CASZ1: variants seen among roughly 807,000 people sequenced by gnomAD.
CASZ1 encodes the protein zinc finger protein castor homolog 1.
CASZ1 carries 28 observed loss-of-function variants against 135.2 expected under a neutral mutation model. The ratio of observed to expected loss-of-function variants is 0.21; its 90% confidence interval spans 0.15 to 0.28. The LOEUF is 0.28. Among genes scored for constraint, CASZ1 ranks in the 10% least tolerant of loss-of-function variants. The pLI, the probability that CASZ1 is intolerant of heterozygous loss-of-function variation, is 1.00. For synonymous variants in CASZ1, 1,068 were observed against 1,073.4 expected (o/e 0.99, Z 0.10); for missense variants, 2,161 against 2,453.3 (o/e 0.88, Z 2.52).
Position 10,759,342 on chromosome 1 carries a change from C to T in CASZ1, c.-77+1359G>A, listed in dbSNP as rs535646951. ...CCAAGCCCAGAAGACTTCAGCGCCA[C>T]GAAACTCCCCCCACGGCCTTTTCCA... On this transcript the variant is annotated intron_variant, in intron 2 of 20. Transcript: ENST00000377022. This position sits in a 1 kb window ranked among gnomAD's most constrained non-coding sequence, Gnocchi z 4.2. 1.3e-5 allele frequency among the ~76,000 whole-genome samples: 2 copies of T among 152,248 alleles called. No homozygotes were observed. Among genetic ancestry groups the T allele is most frequent in the East Asian group, 1.9e-4 (1 of 5,188 alleles).
chr1:10,727,735 C>G lies in CASZ1; in HGVS notation c.-76-22191G>C, dbSNP rs920431864. The stretch of plus-strand genomic sequence containing the variant: ...AGTGGAGCTGAGAAGCTGGCCTTCA[C>G]CTCGTTCCTGATCAGAGGCTGAGGA... On this transcript the variant is annotated intron_variant, in intron 2 of 20. Transcript: ENST00000377022. The surrounding 1 kb of genome is among the most constrained non-coding windows in gnomAD (Gnocchi z 5.3). Among the ~76,000 whole-genome samples the G allele has an allele frequency of 6.6e-6, 1 of 152,230 alleles. No homozygotes were observed. The highest frequency in any genetic ancestry group is 2.4e-5 in the African/African-American group (1 of 41,466).
rs1220803973 is a variant in CASZ1 at position 10,676,408 on chromosome 1, C to A, written c.17-10837G>T. Among the ~76,000 whole-genome samples, 2 of 152,204 alleles carry A rather than the reference C, an allele frequency of 1.3e-5. No individual in the cohort carries two copies. The highest frequency in any genetic ancestry group is 2.9e-5 in the Non-Finnish European group (2 of 68,028). On this transcript the variant is annotated intron_variant, in intron 4 of 20. Transcript: ENST00000377022. This position sits in a 1 kb window ranked among gnomAD's most constrained non-coding sequence, Gnocchi z 4.5. ...GCAAAGCTCTCACTCCATCACACAG[C>A]GTTAGCCCCAAAAGGTGACCTTTCA...
chr1:10,675,885 A>G (rs1478928524), intron 4 of CASZ1, among the ~76,000 whole-genome samples: 4 of 145,328 alleles, frequency 2.8e-5, no homozygotes, highest in African/African-American at 1.1e-4. Flanking sequence ...CAAGGTTTGC[A>G]GGGAGCTGGC....
intron 1 of CASZ1, among the ~76,000 whole-genome samples, chr1:10,793,964 C>T (rs970404516): frequency 3.3e-5 from 5 of 152,168 alleles, no homozygotes; most frequent in East Asian, 1.9e-4. Flanking sequence ...CGCCTGGTCG[C>T]CACCAGGACG....
Position 10,659,766 on chromosome 1 carries a change from C to T in CASZ1, c.1276G>A (p.Glu426Lys), listed in dbSNP as rs760416259. ...PPASLSFNTP[E>K]YLKSTFSKTD... ...TTGGAGAAGGTTGACTTCAGGTACT[C>T]GGGAGTGTTGAAGGACAGGGAGGCA... The change falls in exon 6 of 21, where the codon GAG (glutamate) becomes AAG (lysine). Residue 426 changes from glutamate to lysine, a missense_variant. Transcript: ENST00000377022. 1.1e-5 allele frequency: 17 copies of T among 1,613,558 alleles called. No homozygotes were observed. Among genetic ancestry groups the T allele is most frequent in the African/African-American group, 1.3e-5 (1 of 74,750 alleles).
At chr1:10,775,036 G>T (rs1165027291) in intron 1 of CASZ1, among the ~76,000 whole-genome samples, 1 of 151,220 alleles carries the variant, frequency 6.6e-6, no homozygotes, top group Non-Finnish European at 1.5e-5. Flanking sequence ...CTAGGGTTGG[G>T]GCTGGAAACC....
rs1639504770 is a variant in CASZ1 at position 10,721,963 on chromosome 1, C to T, written c.-76-16419G>A. ...GTGTTTCTCCTGCTGTATCTTTTAC[C>T]TTGAGCACCTGTTGACAGAGGCCAC... On this transcript the variant is annotated intron_variant, in intron 2 of 20. Transcript: ENST00000377022. This position sits in a 1 kb window ranked among gnomAD's most constrained non-coding sequence, Gnocchi z 5.4. Among the ~76,000 whole-genome samples, 1 of 152,238 alleles carries T rather than the reference C, an allele frequency of 6.6e-6. No homozygotes were observed.
chr1:10,723,490 C>T (rs981872980), intron 2 of CASZ1, among the ~76,000 whole-genome samples: 2 of 152,224 alleles, frequency 1.3e-5, no homozygotes, highest in African/African-American at 2.4e-5. Flanking sequence ...TCAAGCCAGG[C>T]GCCAGCCTCT....
At chr1:10,751,244 G>A (rs1005488871) in intron 2 of CASZ1, among the ~76,000 whole-genome samples, 1 of 152,180 alleles carries the variant, frequency 6.6e-6, no homozygotes, top group African/African-American at 2.4e-5. Context: ...AGGGTGACAA[G>A]GATCTGATTA....
chr1:10,783,932 C>T (rs1640809634), intron 1 of CASZ1, among the ~76,000 whole-genome samples: 1 of 151,524 alleles, frequency 6.6e-6, no homozygotes, highest in Non-Finnish European at 1.5e-5. Context: ...TGGTGGTCCC[C>T]ATTTTTCAAG....
chr1:10,640,050 A>T lies in CASZ1; in HGVS notation c.4172T>A (p.Ile1391Asn). 4 of 1,606,218 alleles carry T rather than the reference A, an allele frequency of 2.5e-6. No individual in the cohort carries two copies. The stretch of plus-strand genomic sequence containing the variant: ...GGCCCCCGAGGCTGTCGGCATAGAG[A>T]TGGTGTTCCCTGGGGAGGGGCAGGG... The part of the protein sequence containing the change: ...GNESTAAGNT[I>N]SMPTASGAKK... Residue 1391 changes from isoleucine (I) to asparagine (N), a missense_variant, in exon 21 of 21, where the codon ATC (isoleucine) becomes AAC (asparagine). Physicochemically the swap from Ile to Asn is moderately radical, Grantham distance 149. Transcript: ENST00000377022.
rs1250113479 is a variant in CASZ1 at position 10,757,463 on chromosome 1, T to C, written c.-77+3238A>G. ...GCAGCTGCCCCTCTGGCCTCCCAAT[T>C]TCTTCCCTTGGCAGCCCCAACTACC... On this transcript the variant is annotated intron_variant, in intron 2 of 20. Coordinates refer to ENST00000377022, the MANE Select transcript of CASZ1 (RefSeq NM_001079843.3). This position sits in a 1 kb window ranked among gnomAD's most constrained non-coding sequence, Gnocchi z 4.6. Among the ~76,000 whole-genome samples the C allele has an allele frequency of 6.6e-6, 1 of 152,136 alleles. No individual in the cohort carries two copies. Among genetic ancestry groups the C allele is most frequent in the East Asian group, 1.9e-4 (1 of 5,196 alleles).
rs1642028977 is a variant in CASZ1 at position 10,637,438 on chromosome 1, G to A, written c.*1504C>T. Reference sequence around the variant, plus strand: ...GAGGACAAAAGAAAGGAAGAAAAAAGGGAAAAGTAAACCACTGCCCCCCAG... The same window carrying A: ...GAGGACAAAAGAAAGGAAGAAAAAAAGGAAAAGTAAACCACTGCCCCCCAG... On this transcript the variant is annotated 3_prime_UTR_variant, in exon 21 of 21. Transcript: ENST00000377022. 1 of 152,512 alleles carries A rather than the reference G, an allele frequency of 6.6e-6. No individual in the cohort carries two copies. Among genetic ancestry groups the A allele is most frequent in the African/African-American group, 2.4e-5 (1 of 41,474 alleles). 9.4% of individuals were successfully genotyped at this position (152,512 alleles called of 1,614,324 possible).
rs774152109 is a variant in CASZ1 at position 10,709,684 on chromosome 1, C to T, written c.-76-4140G>A. ...AAAGAAAGCGAATCAAAGTGCTGCC[C>T]GGAGGACGGCTGGGGAGAGAAAGGC... is the stretch of plus-strand genomic sequence containing the variant. On this transcript the variant is annotated intron_variant, in intron 2 of 20. Coordinates refer to ENST00000377022, the MANE Select transcript of CASZ1 (RefSeq NM_001079843.3). This position sits in a 1 kb window ranked among gnomAD's most constrained non-coding sequence, Gnocchi z 5.1. Among the ~76,000 whole-genome samples the T allele has an allele frequency of 4.6e-5, 7 of 152,020 alleles. No homozygotes were observed. The highest frequency in any genetic ancestry group is 1.5e-4 in the African/African-American group (6 of 41,362).
At chr1:10,653,189 G>T in intron 11 of CASZ1, 188 bp downstream of exon 11, 1 of 668,370 alleles carries the variant, frequency 1.5e-6, no homozygotes, top group Non-Finnish European at 2.6e-6. Flanking sequence ...TGGGGAGCCA[G>T]AACCAGGGGC....
chr1:10,793,925 G>A (rs1157768472), intron 1 of CASZ1, among the ~76,000 whole-genome samples: 1 of 152,178 alleles, frequency 6.6e-6, no homozygotes, highest in Non-Finnish European at 1.5e-5. Flanking sequence ...CGGAGATTGC[G>A]CAGGTCGCGA....
chr1:10,654,774 C>T (rs1642732933), intron 9 of CASZ1, among the ~76,000 whole-genome samples, 183 bp from the exon 10 acceptor site: 1 of 152,188 alleles, frequency 6.6e-6, no homozygotes, highest in Admixed American at 6.5e-5. Context: ...CTCCAACAGC[C>T]CCTCAGGCCT....
In CASZ1 at chr1:10,682,560, G is replaced by A. The variant is rs187572355; in HGVS notation, c.16+11314C>T. Among the ~76,000 whole-genome samples, 100 of 152,250 alleles carry A rather than the reference G, an allele frequency of 6.6e-4. 1 individual carries two copies. The highest frequency in any genetic ancestry group is 2.4e-3 in the African/African-American group (98 of 41,538). On this transcript the variant is annotated intron_variant, in intron 4 of 20. Transcript: ENST00000377022. ...CTCAGTGCATAACACAAAATGTCAG[G>A]GTTTATAGCTTCATTCTTGGCTTTG...
intron 1 of CASZ1, among the ~76,000 whole-genome samples, chr1:10,782,555 C>A (rs985628383): frequency 6.6e-6 from 1 of 152,228 alleles, no homozygotes; most frequent in African/African-American, 2.4e-5. Flanking sequence ...AGCGGCAGGT[C>A]CCATAAAAGC....
Sources: allele counts gnomAD v4.1 joint callset (sites outside exome capture counted in the v4.1 genomes callset), GRCh38; gene constraint gnomAD v4.1.1; non-coding constraint Gnocchi (gnomAD v3.1); transcripts MANE v1.5; gene names NCBI Gene and HGNC (gene_info 2026-07-23, HGNC 2026-07-21).